The following PTBP1 variants were observed in gnomAD, a reference collection of about 807,000 sequenced individuals.
PTBP1 encodes the protein polypyrimidine tract-binding protein 1.
PTBP1 carries 8 observed loss-of-function variants against 59.8 expected under a neutral mutation model. The ratio of observed to expected loss-of-function variants is 0.13; its 90% confidence interval spans 0.08 to 0.24. The LOEUF (loss-of-function observed/expected upper bound fraction) is 0.24, where lower values mean the gene tolerates loss of function less well. Among genes scored for constraint, PTBP1 ranks in the 10% least tolerant of loss-of-function variants. The pLI, the probability that PTBP1 is intolerant of heterozygous loss-of-function variation, is 1.00. For synonymous variants in PTBP1, 490 were observed against 320.7 expected (o/e 1.53, Z -5.64); for missense variants, 686 against 767.0 (o/e 0.89, Z 1.25).
chr19:807,526 T>C (rs1183466415), intron 10 of PTBP1: 14 of 346,356 alleles, frequency 4.0e-5, no homozygotes, highest in Non-Finnish European at 6.3e-5. Context: ...TGACCTGTGT[T>C]TTTTTGCTAC....
At chr19:810,666 C>A (rs187129073) in intron 14 of PTBP1, 28 bp from the exon 15 acceptor site, 9 of 1,611,438 alleles carry the variant, frequency 5.6e-6, no homozygotes, top group South Asian at 1.1e-5. Flanking sequence ...GGCTGCCCTG[C>A]GGCCGGCCCT....
At chr19:805,297 T>C in intron 8 of PTBP1, 110 bp downstream of exon 8, 3 of 1,342,936 alleles carry the variant, frequency 2.2e-6, no homozygotes, top group Non-Finnish European at 3.1e-6. Context: ...ATGCACCTGC[T>C]GCTCTCTGCA....
intron 2 of PTBP1, among the ~76,000 whole-genome samples, chr19:800,319 C>T (rs2034277467): frequency 6.6e-6 from 1 of 152,080 alleles, no homozygotes; most frequent in Non-Finnish European, 1.5e-5. Flanking sequence ...AATGAATGTG[C>T]CACGTCTCTG....
At chr19:798,377 G>A (rs2034176157) in intron 1 of PTBP1, 1 of 152,312 alleles carries the variant, frequency 6.6e-6, no homozygotes, top group South Asian at 2.1e-4. Context: ...CCTGGGAATA[G>A]GAAGCGGGAG....
intron 1 of PTBP1, 94 bp downstream of exon 1, chr19:797,599 C>T (rs563454195): frequency 1.9e-5 from 17 of 898,330 alleles, no homozygotes; most frequent in East Asian, 7.5e-5. Context: ...GATCTCGCCC[C>T]CTCTCGGGCG....
In PTBP1 at chr19:806,527, G is replaced by A. The variant is rs574066619; in HGVS notation, c.1090G>A (p.Val364Ile). ...GGGCCTGGCGGGGGCAGGAAATTCT[G>A]TATTGCTGGTCAGCAACCTCAACCC... ...IPGLAGAGNSVLLVSNLNPER... is the reference protein window; with the variant it reads ...IPGLAGAGNSILLVSNLNPER... Residue 364 changes from valine (V) to isoleucine (I), a missense_variant, in exon 10 of 15, where the codon GTA becomes ATA. Transcript: ENST00000356948. 5.8e-6 allele frequency: 9 copies of A among 1,551,498 alleles called. No individual in the cohort carries two copies. The Admixed American group carries it at 9.9e-5, about 17-fold the overall frequency.
intron 1 of PTBP1, among the ~76,000 whole-genome samples, chr19:797,787 C>G (rs1220563745): frequency 2.7e-5 from 4 of 148,500 alleles, no homozygotes; most frequent in Non-Finnish European, 4.5e-5. Context: ...CCGCGCGCGT[C>G]CCCGCACTTC....
intron 1 of PTBP1, among the ~76,000 whole-genome samples, chr19:797,772 C>T (rs919878610): frequency 4.7e-5 from 7 of 148,632 alleles, no homozygotes; most frequent in Non-Finnish European, 1.1e-4. Context: ...CGCGCCCCTC[C>T]CCCTCCGCGC....
At chr19:805,467 T>C in intron 8 of PTBP1, 25 bp from the exon 9 acceptor site, 1 of 1,598,422 alleles carries the variant, frequency 6.3e-7, no homozygotes, top group South Asian at 1.1e-5. Context: ...GTGGGTGCGA[T>C]GATTAGTGTC....
chr19:806,695 C>T lies in PTBP1; in HGVS notation c.1119+139C>T. 2 of 719,898 alleles carry T rather than the reference C, an allele frequency of 2.8e-6. 1 individual carries two copies. Among genetic ancestry groups the T allele is most frequent in the Middle Eastern group, 6.7e-4 (2 of 2,988 alleles). 44.6% of individuals were successfully genotyped at this position (719,898 alleles called of 1,614,324 possible). ...CCCTGGCAGCCCCTCTGCTGCAGCG[C>T]TGAGACCCTCCTTTTCCAAGATGGC... On this transcript the variant is annotated intron_variant, in intron 10 of 14. Transcript: ENST00000356948.
At chr19:804,240 C>T (rs372216838) in intron 4 of PTBP1, 32 bp downstream of exon 4, 1 of 1,609,984 alleles carries the variant, frequency 6.2e-7, no homozygotes, top group Non-Finnish European at 8.5e-7. Flanking sequence ...GGGGTGCTCA[C>T]ACCGTGCAGG....
chr19:806,139 A>T (rs1276354110), intron 9 of PTBP1: 1 of 389,028 alleles, frequency 2.6e-6, no homozygotes, highest in Admixed American at 4.7e-5. Context: ...GCGGAGCCGG[A>T]GCTTTTCTGT....
intron 5 of PTBP1, 38 bp from the exon 6 acceptor site, chr19:804,494 C>A (rs753544106): frequency 6.3e-7 from 1 of 1,592,292 alleles, no homozygotes; most frequent in Non-Finnish European, 8.5e-7. Flanking sequence ...GTGGGCCCAG[C>A]CGCAGGGGCC....
chr19:806,559 A>T lies in PTBP1; in HGVS notation c.1119+3A>T. 6.7e-7 allele frequency: 1 copy of T among 1,499,048 alleles called. No homozygotes were observed. The highest frequency in any genetic ancestry group is 1.3e-5 in the South Asian group (1 of 76,476). 92.9% of individuals were successfully genotyped at this position (1,499,048 alleles called of 1,614,324 possible). A position where few individuals can be genotyped will look rare whatever the true frequency, so the allele number is the denominator to read the frequency against. ...TGGTCAGCAACCTCAACCCAGAGGT[A>T]CGTGGGCTTTTCCTCCGCGCCGCCG... On this transcript the variant is annotated splice_donor_region_variant and intron_variant, in intron 10 of 14. Coordinates refer to ENST00000356948, the MANE Select transcript of PTBP1 (RefSeq NM_002819.5).
In PTBP1 at chr19:805,045, C is replaced by T. The variant is rs143200914; in HGVS notation, c.750C>T (p.Cys250=). 35 of 1,613,744 alleles carry T rather than the reference C, an allele frequency of 2.2e-5. No individual in the cohort carries two copies. The highest frequency in any genetic ancestry group is 3.3e-5 in the Admixed American group (2 of 60,008). ...SLDGQNIYNA[C]CTLRIDFSKL... ...ACGGGCAGAACATCTACAACGCCTG[C>T]TGCACGCTGCGCATCGACTTTTCCA... Residue 250 remains cysteine (C), a synonymous_variant, in exon 8 of 15, where the codon TGC becomes TGT. Transcript: ENST00000356948.
In PTBP1 at chr19:808,020, G is replaced by T; in HGVS notation, c.1153+118G>T. 1 of 953,284 alleles carries T rather than the reference G, an allele frequency of 1.0e-6. No individual in the cohort carries two copies. Among genetic ancestry groups the T allele is most frequent in the Non-Finnish European group, 1.7e-6 (1 of 589,810 alleles). 59.1% of individuals were successfully genotyped at this position (953,284 alleles called of 1,614,324 possible). ...TCTGATGCTCCGTGGCATCCGCCTC[G>T]TTTTATGGTTTGCTTTCGGTTTGCG... On this transcript the variant is annotated intron_variant, in intron 11 of 14. Coordinates refer to ENST00000356948, the MANE Select transcript of PTBP1 (RefSeq NM_002819.5). The surrounding 1 kb of genome is among the most constrained non-coding windows in gnomAD (Gnocchi z 4.7).
chr19:806,205 G>A (rs902277554), intron 9 of PTBP1: 1 of 516,686 alleles, frequency 1.9e-6, no homozygotes, highest in South Asian at 2.8e-5. Flanking sequence ...CGTGCTGTGA[G>A]GAGAGGCGGG....
intron 13 of PTBP1, among the ~76,000 whole-genome samples, chr19:810,310 A>T (rs1333673621): frequency 6.6e-6 from 1 of 152,022 alleles, no homozygotes; most frequent in African/African-American, 2.4e-5. Flanking sequence ...CATCTGGAAA[A>T]AAAAAAGTGG....
Position 804,528 on chromosome 19 carries a change from A to G in PTBP1, c.436-4A>G. 1 of 1,600,302 alleles carries G rather than the reference A, an allele frequency of 6.2e-7. No homozygotes were observed. The highest frequency in any genetic ancestry group is 8.5e-7 in the Non-Finnish European group (1 of 1,175,884). On this transcript the variant is annotated splice_region_variant and splice_polypyrimidine_tract_variant and intron_variant, in intron 5 of 14. Coordinates refer to ENST00000356948, the MANE Select transcript of PTBP1 (RefSeq NM_002819.5). ...CCGGGGACTCACGGCTGTGCCTCCC[A>G]CAGCGGGCCCAGGCGGCCCTGCAGG... is the stretch of plus-strand genomic sequence containing the variant.
Sources: gnomAD v4.1 joint callset for allele counts (sites outside exome capture counted in the v4.1 genomes callset) on GRCh38, gnomAD v4.1.1 for gene constraint, Gnocchi (gnomAD v3.1) non-coding constraint, MANE v1.5 for transcripts, NCBI Gene and HGNC (gene_info 2026-07-23, HGNC 2026-07-21) for gene names.